TNRC18: variants seen among roughly 807,000 people sequenced by gnomAD.
The protein encoded by TNRC18 is trinucleotide repeat containing 18.
Under a neutral mutation model 226.7 loss-of-function variants are expected in TNRC18, and 69 were observed. That is an observed-to-expected ratio of 0.30 (90% CI 0.25 to 0.37). The LOEUF (loss-of-function observed/expected upper bound fraction) is 0.37. Among genes scored for constraint, TNRC18 ranks in the 10% least tolerant of loss-of-function variants. TNRC18 has a pLI of 1.00. For synonymous variants in TNRC18, 2,449 were observed against 1,927.6 expected (o/e 1.27, Z -7.09); for missense variants, 4,754 against 4,256.6 (o/e 1.12, Z -3.25).
At chr7:5,366,576 G>A (rs1793647988) in intron 11 of TNRC18, among the ~76,000 whole-genome samples, 1 of 151,990 alleles carries the variant, frequency 6.6e-6, no homozygotes, top group African/African-American at 2.4e-5. Context: ...CGCCTGCCTT[G>A]GCCTCCCAAA....
chr7:5,321,221 G>A, intron 21 of TNRC18, 31 bp from the exon 22 acceptor site: 4 of 1,483,698 alleles, frequency 2.7e-6, no homozygotes, highest in Non-Finnish European at 3.7e-6. Context: ...GGCGAGGCTG[G>A]AGCCGGGGGC....
chr7:5,358,595 C>T (rs1450005156), intron 15 of TNRC18, among the ~76,000 whole-genome samples: 2 of 152,284 alleles, frequency 1.3e-5, no homozygotes, highest in South Asian at 4.1e-4. Context: ...AGGCAGATCA[C>T]CTGAGGTCAG....
intron 2 of TNRC18, among the ~76,000 whole-genome samples, chr7:5,405,568 C>CA (rs1417837533): frequency 2.0e-5 from 3 of 151,922 alleles, no homozygotes; most frequent in Non-Finnish European, 2.9e-5. Context: ...GACTCCGTCT[C>CA]AAAAAAACAA....
In TNRC18 at chr7:5,374,202, TG is replaced by T; in HGVS notation, c.3081del (p.Ser1028AlafsTer131). 3.0e-6 allele frequency: 1 copy of T among 328,502 alleles called. No homozygotes were observed. The highest frequency in any genetic ancestry group is 1.0e-4 in the South Asian group (1 of 9,554). The allele number at this position is 328,502 out of a possible 1,614,324, so 20.3% of individuals were successfully genotyped here. A position where few individuals can be genotyped will look rare whatever the true frequency, so the allele number is the denominator to read the frequency against. On this transcript the variant is annotated frameshift_variant, in exon 10 of 30. Transcript: ENST00000430969. LOFTEE classifies it high-confidence loss of function. ...KPPAYAYPATPSSHPTSPPPA... is the reference protein window; with the variant it reads ...KPPAYAYPATXSSHPTSPPPA... Reference sequence around the variant, plus strand: ...GGCGGCGGGCTGGTGGGGTGGGAGCTGGGGGTGGCGGGGTAGGCGTAGGCGG... The same window carrying T: ...GGCGGCGGGCTGGTGGGGTGGGAGCTGGGGTGGCGGGGTAGGCGTAGGCGG...
At position 5,377,610 on chromosome 7, in the gene TNRC18, C is replaced by T. The variant is rs371105051; in HGVS notation, c.2256-34G>A. ...AGGATCATAGGTGTCAGCGACAGCT[C>T]GGACAGCCCAGGGGACGAGAGGGAG... On this transcript the variant is annotated intron_variant, in intron 6 of 29. Coordinates refer to ENST00000430969, the MANE Select transcript of TNRC18 (RefSeq NM_001080495.3). The surrounding 1 kb of genome is among the most constrained non-coding windows in gnomAD (Gnocchi z 5.8). 4 of 1,542,676 alleles carry T rather than the reference C, an allele frequency of 2.6e-6. No individual in the cohort carries two copies. The Admixed American group carries it at 5.9e-5, about 23-fold the overall frequency.
At chr7:5,358,036 G>A (rs1012373220) in intron 15 of TNRC18, among the ~76,000 whole-genome samples, 1 of 152,178 alleles carries the variant, frequency 6.6e-6, no homozygotes, top group African/African-American at 2.4e-5. Context: ...CGGATTAAGG[G>A]AGGAGGAAAG....
At chr7:5,329,586 G>C (rs1489737549) in intron 19 of TNRC18, among the ~76,000 whole-genome samples, 10 of 148,024 alleles carry the variant, frequency 6.8e-5, no homozygotes, top group Non-Finnish European at 1.2e-4. Context: ...GGGAGGCTGA[G>C]GCAGGAGAAC....
chr7:5,382,060 C>A (rs1012762950), intron 5 of TNRC18, among the ~76,000 whole-genome samples: 1 of 152,130 alleles, frequency 6.6e-6, no homozygotes, highest in Non-Finnish European at 1.5e-5. Context: ...GGGCCCCAGG[C>A]CACTTTGCAA....
chr7:5,362,838 G>A lies in TNRC18; in HGVS notation c.4220-13C>T. 1 of 1,504,270 alleles carries A rather than the reference G, an allele frequency of 6.6e-7. No homozygotes were observed. Among genetic ancestry groups the A allele is most frequent in the Non-Finnish European group, 8.9e-7 (1 of 1,126,756 alleles). 93.2% of individuals were successfully genotyped at this position (1,504,270 alleles called of 1,614,324 possible). Reference sequence around the variant, plus strand: ...GCCCGCTCCGCACCTGTGGACAGGAGGTAGGTAACAGGGCGCTGCTGCCAC... The same window carrying A: ...GCCCGCTCCGCACCTGTGGACAGGAAGTAGGTAACAGGGCGCTGCTGCCAC... On this transcript the variant is annotated splice_polypyrimidine_tract_variant and intron_variant, in intron 11 of 29. Coordinates refer to ENST00000430969, the MANE Select transcript of TNRC18 (RefSeq NM_001080495.3).
chr7:5,341,286 G>A (rs1181686514), intron 18 of TNRC18, among the ~76,000 whole-genome samples: 1 of 151,608 alleles, frequency 6.6e-6, no homozygotes, highest in Non-Finnish European at 1.5e-5. Flanking sequence ...AGGCATGGTG[G>A]CGGGCACCTG....
At chr7:5,345,955 C>T in intron 17 of TNRC18, 145 bp from the exon 18 acceptor site, 2 of 1,255,484 alleles carry the variant, frequency 1.6e-6, no homozygotes, top group East Asian at 2.6e-5. Context: ...GATGCAGACC[C>T]AGCCCACGGG....
intron 25 of TNRC18, among the ~76,000 whole-genome samples, chr7:5,315,494 G>A (rs1405908244): frequency 6.6e-6 from 1 of 151,158 alleles, no homozygotes; most frequent in Non-Finnish European, 1.5e-5. Context: ...CAGGATCTCA[G>A]CTCACTGCAA....
At chr7:5,379,773 C>T (rs1779269349) in intron 5 of TNRC18, among the ~76,000 whole-genome samples, 1 of 152,248 alleles carries the variant, frequency 6.6e-6, no homozygotes, top group South Asian at 2.1e-4. Context: ...AGCTCGAAAA[C>T]CTGCCCGTCG....
intron 18 of TNRC18, among the ~76,000 whole-genome samples, chr7:5,336,962 T>C (rs1363740079): frequency 6.6e-6 from 1 of 152,170 alleles, no homozygotes; most frequent in Non-Finnish European, 1.5e-5. Context: ...GCTTGAATAT[T>C]TGCTTTTCCT....
In TNRC18 at chr7:5,325,350, C is replaced by T. The variant is rs10270426; in HGVS notation, c.6148-102G>A. 116,086 of 1,326,672 alleles carry T rather than the reference C, an allele frequency of 0.088. 6,029 individuals are homozygous for T. The highest frequency in any genetic ancestry group is 0.17 in the African/African-American group (11,233 of 65,756). The allele number at this position is 1,326,672 out of a possible 1,614,324, so 82.2% of individuals were successfully genotyped here. ...CTCACCCCCAAGTTCTGTGCCACCCCAAGTGCGCCCTCCCAGGAGGAACAA... is the reference window on the plus strand; with the variant it reads ...CTCACCCCCAAGTTCTGTGCCACCCTAAGTGCGCCCTCCCAGGAGGAACAA... On this transcript the variant is annotated intron_variant, in intron 19 of 29. Transcript: ENST00000430969.
chr7:5,337,373 A>G (rs2128131999), intron 18 of TNRC18, among the ~76,000 whole-genome samples: 1 of 152,148 alleles, frequency 6.6e-6, no homozygotes, highest in South Asian at 2.1e-4. Context: ...AATCCCAACT[A>G]CTCGGGAGGC....
At chr7:5,403,451 T>G in intron 2 of TNRC18, among the ~76,000 whole-genome samples, 1 of 151,996 alleles carries the variant, frequency 6.6e-6, no homozygotes, top group Non-Finnish European at 1.5e-5. Flanking sequence ...TGAGCCACCA[T>G]GCCCGGTTTA....
At chr7:5,420,321 C>T in intron 2 of TNRC18, 1 of 454,124 alleles carries the variant, frequency 2.2e-6, no homozygotes, top group South Asian at 1.6e-5. Context: ...GACCCGCTCT[C>T]TTCTTTCCCC....
At position 5,377,696 on chromosome 7, in the gene TNRC18, C is replaced by T. The variant is rs566566501; in HGVS notation, c.2256-120G>A. ...GCCATGAGTCAGGACAACCACTGCTCGGAACTGAAGGGCCTCCCGGGGCCT... is the reference window on the plus strand; with the variant it reads ...GCCATGAGTCAGGACAACCACTGCTTGGAACTGAAGGGCCTCCCGGGGCCT... On this transcript the variant is annotated intron_variant, in intron 6 of 29. Transcript: ENST00000430969. This position sits in a 1 kb window ranked among gnomAD's most constrained non-coding sequence, Gnocchi z 5.8. The T allele has an allele frequency of 1.5e-4, 184 of 1,211,504 alleles. 1 individual carries two copies. The South Asian group carries it at 2.0e-3, about 13-fold the overall frequency. 75.0% of individuals were successfully genotyped at this position (1,211,504 alleles called of 1,614,324 possible).
Sources: allele counts gnomAD v4.1 joint callset (sites outside exome capture counted in the v4.1 genomes callset), GRCh38; gene constraint gnomAD v4.1.1; non-coding constraint Gnocchi (gnomAD v3.1); transcripts MANE v1.5; gene names NCBI Gene and HGNC (gene_info 2026-07-23, HGNC 2026-07-21).